The following MEIOSIN variants were observed in gnomAD, a reference collection of about 807,000 sequenced individuals.
The protein encoded by MEIOSIN is meiosis initiator.
MEIOSIN carries 18 observed loss-of-function variants against 23.4 expected under a neutral mutation model. The ratio of observed to expected loss-of-function variants is 0.77; its 90% confidence interval spans 0.53 to 1.14. The LOEUF (loss-of-function observed/expected upper bound fraction) is 1.14, where lower values mean the gene tolerates loss of function less well. Ranked by LOEUF, MEIOSIN falls within the 50% of genes most tolerant of loss-of-function variation. MEIOSIN has a pLI of 0.00. For missense variants in MEIOSIN, 428 were observed against 242.9 expected, an observed-to-expected ratio of 1.76 and a Z score of -5.07; for synonymous variants, 187 against 100.6, an observed-to-expected ratio of 1.86 and a Z score of -5.14.
chr19:45,756,854 G>A (rs966542874), intron 8 of MEIOSIN, among the ~76,000 whole-genome samples: 1 of 152,030 alleles, frequency 6.6e-6, no homozygotes, highest in African/African-American at 2.4e-5. Context: ...GAAGCCCTGC[G>A]CCAGCCCCTC....
In MEIOSIN at chr19:45,754,586, A is replaced by G. The variant is rs972476134; in HGVS notation, c.664A>G (p.Thr222Ala). Residue 222 changes from threonine (T) to alanine (A), a missense_variant, in exon 7 of 15, where the codon ACT becomes GCT. Thr to Ala is a moderately conservative substitution (Grantham distance 58). Coordinates refer to ENST00000457052, the MANE Select transcript of MEIOSIN (RefSeq NM_001310124.2). ...GAAAGGAAGTGGCACAGGGGGGACC[A>G]CTACCCCTCCAAGGTGCCCTGACTC... ...DQKGSGTGGT[T>A]TPPRCPDSCG... 3 of 702,952 alleles carry G rather than the reference A, an allele frequency of 4.3e-6. No individual in the cohort carries two copies. Among genetic ancestry groups the G allele is most frequent in the African/African-American group, 3.5e-5 (2 of 57,248 alleles). 43.5% of individuals were successfully genotyped at this position (702,952 alleles called of 1,614,324 possible).
intron 3 of MEIOSIN, among the ~76,000 whole-genome samples, chr19:45,740,145 G>C (rs1968477593): frequency 6.6e-6 from 1 of 152,168 alleles, no homozygotes; most frequent in African/African-American, 2.4e-5. Context: ...ACTGCACCCA[G>C]CCCCACACGC....
In MEIOSIN at chr19:45,757,313, G is replaced by C. The variant is rs930543111; in HGVS notation, c.1012+36G>C. ...CTCTGTCTCTCCTCCTTGTAGGCTG[G>C]TGTGGGCCTTCCCATACTTTCAGTC... is the stretch of plus-strand genomic sequence containing the variant. On this transcript the variant is annotated intron_variant, in intron 9 of 14. Transcript: ENST00000457052. The C allele has an allele frequency of 5.8e-6, 4 of 695,304 alleles. No homozygotes were observed. The African/African-American group carries it at 7.0e-5, about 12-fold the overall frequency. The allele number at this position is 695,304 out of a possible 1,614,324, so 43.1% of individuals were successfully genotyped here. A position where few individuals can be genotyped will look rare whatever the true frequency, so the allele number is the denominator to read the frequency against.
At chr19:45,750,003 CAAA>C (rs766354868) in intron 4 of MEIOSIN, among the ~76,000 whole-genome samples, 1 of 73,438 alleles carries the variant, frequency 1.4e-5, no homozygotes, top group Non-Finnish European at 2.8e-5. Context: ...GACTCTGTCT[CAAA>C]AAAAAAAAAA....
intron 9 of MEIOSIN, among the ~76,000 whole-genome samples, chr19:45,757,896 C>T (rs1259790385): frequency 6.6e-6 from 1 of 152,210 alleles, no homozygotes; most frequent in East Asian, 1.9e-4. Flanking sequence ...GGCGCAATCA[C>T]AGCTCACTGA....
chr19:45,761,633 G>A (rs1480357440), intron 11 of MEIOSIN, 46 bp from the exon 12 acceptor site: 2 of 686,394 alleles, frequency 2.9e-6, no homozygotes, highest in East Asian at 2.7e-5. Context: ...GGATGAAGGG[G>A]CACCACTTGT....
chr19:45,755,849 G>C, intron 7 of MEIOSIN, 121 bp from the exon 8 acceptor site: 1 of 612,228 alleles, frequency 1.6e-6, no homozygotes. Context: ...CCTGAGGTTT[G>C]GGCTAGGATT....
intron 6 of MEIOSIN, 115 bp downstream of exon 6, chr19:45,753,903 A>G (rs1968765865): frequency 1.7e-6 from 1 of 600,510 alleles, no homozygotes; most frequent in African/African-American, 1.9e-5. Flanking sequence ...CCGGGGTTCA[A>G]CTCCCAGCTC....
chr19:45,746,832 A>C lies in MEIOSIN; in HGVS notation c.306+1511A>C, dbSNP rs943843566. On this transcript the variant is annotated intron_variant, in intron 4 of 14. Transcript: ENST00000457052. Reference sequence around the variant, plus strand: ...CAAGACTCTGTCTCAAAAGAAAAAAAAAAAAAAAGATCCTTAACTCAATCA... The same window carrying C: ...CAAGACTCTGTCTCAAAAGAAAAAACAAAAAAAAGATCCTTAACTCAATCA... 1.4e-4 allele frequency among the ~76,000 whole-genome samples: 21 copies of C among 152,192 alleles called. No individual in the cohort carries two copies. In the East Asian group the frequency reaches 2.5e-3, roughly 18 times the overall value.
intron 5 of MEIOSIN, 73 bp downstream of exon 5, chr19:45,750,859 G>A (rs1010363154): frequency 1.0e-5 from 5 of 495,148 alleles, no homozygotes; most frequent in Non-Finnish European, 1.8e-5. Context: ...GGGATACTGA[G>A]TGACCCTTCT....
intron 13 of MEIOSIN, among the ~76,000 whole-genome samples, chr19:45,763,074 C>G (rs530497615): frequency 5.3e-5 from 8 of 152,348 alleles, no homozygotes; most frequent in Non-Finnish European, 1.2e-4. Context: ...GGAGGCCCCC[C>G]CCAAGCCACA....
intron 3 of MEIOSIN, among the ~76,000 whole-genome samples, chr19:45,742,374 G>A (rs1293838433): frequency 6.6e-6 from 1 of 152,114 alleles, no homozygotes; most frequent in Admixed American, 6.6e-5. Context: ...CAGCTACTCG[G>A]GAGACTGAAG....
intron 3 of MEIOSIN, among the ~76,000 whole-genome samples, chr19:45,741,878 A>G (rs548369915): frequency 4.0e-5 from 6 of 150,528 alleles, no homozygotes; most frequent in Non-Finnish European, 7.4e-5. Context: ...TTATTTATTT[A>G]TTTATTTTTT....
At chr19:45,737,716 T>A (rs931805219) in intron 2 of MEIOSIN, among the ~76,000 whole-genome samples, 4 of 151,804 alleles carry the variant, frequency 2.6e-5, no homozygotes, top group Admixed American at 6.6e-5. Context: ...GTTGATCACT[T>A]GAGGTCAGGA....
chr19:45,738,378 G>A (rs1339089005), intron 2 of MEIOSIN, among the ~76,000 whole-genome samples: 4 of 152,216 alleles, frequency 2.6e-5, no homozygotes, highest in Non-Finnish European at 4.4e-5. Context: ...AACACTTGGC[G>A]AAGCCAAGGT....
intron 13 of MEIOSIN, 62 bp downstream of exon 13, chr19:45,762,245 T>G: frequency 2.5e-6 from 1 of 404,396 alleles, no homozygotes; most frequent in Non-Finnish European, 4.3e-6. Flanking sequence ...GCCCGCAGCC[T>G]GGCCATGCCG....
Position 45,750,700 on chromosome 19 carries a change from A to G in MEIOSIN, c.332A>G (p.Gln111Arg), listed in dbSNP as rs943155542. ...AAGGAGATTCTGGTGCATGTCCTGC[A>G]GTACATTCAGTACCTCCAGAGAAAC... ...TKKEILVHVLQYIQYLQRNID... is the reference protein window; with the variant it reads ...TKKEILVHVLRYIQYLQRNID... The change falls in exon 5 of 15, where the codon CAG becomes CGG. Residue 111 changes from glutamine to arginine, a missense_variant. By Grantham distance (43) the Gln-to-Arg change is conservative (BLOSUM62 1). Coordinates refer to ENST00000457052, the MANE Select transcript of MEIOSIN (RefSeq NM_001310124.2). 3 of 622,366 alleles carry G rather than the reference A, an allele frequency of 4.8e-6. No homozygotes were observed. Among genetic ancestry groups the G allele is most frequent in the South Asian group, 3.7e-5 (2 of 53,814 alleles). The allele number at this position is 622,366 out of a possible 1,614,324, so 38.6% of individuals were successfully genotyped here. A position where few individuals can be genotyped will look rare whatever the true frequency, so the allele number is the denominator to read the frequency against.
At chr19:45,759,988 A>G (rs796968398) in intron 11 of MEIOSIN, among the ~76,000 whole-genome samples, 8 of 151,714 alleles carry the variant, frequency 5.3e-5, no homozygotes, top group African/African-American at 1.9e-4. Context: ...TTTAGTAGAG[A>G]TGGGGGTTCA....
chr19:45,738,542 C>T (rs955361034), intron 2 of MEIOSIN, among the ~76,000 whole-genome samples: 5 of 152,192 alleles, frequency 3.3e-5, no homozygotes, highest in African/African-American at 1.2e-4. Context: ...TCACTTGAAC[C>T]TGGGAGGCGG....
Sources: allele counts gnomAD v4.1 joint callset (sites outside exome capture counted in the v4.1 genomes callset), GRCh38; gene constraint gnomAD v4.1.1; transcripts MANE v1.5; gene names NCBI Gene and HGNC (gene_info 2026-07-23, HGNC 2026-07-21).